KHDRBS2: variants seen among roughly 807,000 people sequenced by gnomAD.
The protein encoded by KHDRBS2 is KH RNA binding domain containing, signal transduction associated 2.
KHDRBS2 carries 26 observed loss-of-function variants against 44.3 expected under a neutral mutation model. That is an observed-to-expected ratio of 0.59 (90% confidence interval 0.43 to 0.81). The LOEUF (loss-of-function observed/expected upper bound fraction) is 0.81, where lower values mean the gene tolerates loss of function less well. Among genes scored for constraint, KHDRBS2 ranks in the 40% least tolerant of loss-of-function variants. The probability of loss-of-function intolerance (pLI) is 0.00; values close to 1 mark genes in which losing one functional copy is unlikely to be tolerated. For synonymous variants in KHDRBS2, 194 were observed against 151.1 expected (o/e 1.28, Z -2.08); for missense variants, 476 against 433.1 (o/e 1.10, Z -0.88).
chr6:61,717,334 A>G (rs1210023383), intron 7 of KHDRBS2, among the ~76,000 whole-genome samples: 3 of 152,034 alleles, frequency 2.0e-5, no homozygotes, highest in African/African-American at 7.2e-5. Flanking sequence ...AATACGTCAA[A>G]TAAGAACTAA....
chr6:61,850,926 G>A (rs1419064608), intron 6 of KHDRBS2, among the ~76,000 whole-genome samples: 1 of 152,102 alleles, frequency 6.6e-6, no homozygotes, highest in East Asian at 1.9e-4. Flanking sequence ...CTCCAGGCTT[G>A]TTCTAGTTGG....
chr6:61,691,436 T>C (rs1416113425), intron 8 of KHDRBS2, among the ~76,000 whole-genome samples: 4 of 152,072 alleles, frequency 2.6e-5, no homozygotes, highest in African/African-American at 9.6e-5. Flanking sequence ...TTTAGAAGCA[T>C]TATTTCACTA....
At chr6:61,666,355 T>C in the KHDRBS2 span, among the ~76,000 whole-genome samples, 1 of 151,482 alleles carries the variant, frequency 6.6e-6, no homozygotes, top group Non-Finnish European at 1.5e-5. Context: ...GCTGTGGACA[T>C]TGTAGACATA....
chr6:61,791,673 T>C (rs1489398078), intron 6 of KHDRBS2, among the ~76,000 whole-genome samples: 8 of 151,570 alleles, frequency 5.3e-5, no homozygotes, highest in Middle Eastern at 3.4e-3. Flanking sequence ...AGATCAAAAA[T>C]AAAAATGAAA....
intron 2 of KHDRBS2, among the ~76,000 whole-genome samples, chr6:62,093,081 T>C (rs1799778809): frequency 6.6e-6 from 1 of 152,020 alleles, no homozygotes; most frequent in African/African-American, 2.4e-5. Context: ...TATTCAACTA[T>C]AATCTTTTGG....
chr6:61,690,260 T>G (rs1767251103), intron 8 of KHDRBS2, among the ~76,000 whole-genome samples: 1 of 151,988 alleles, frequency 6.6e-6, no homozygotes, highest in South Asian at 2.1e-4. Context: ...TATTTTGTAT[T>G]CTGTACTTTG....
At chr6:62,168,052 C>G (rs1819073072) in intron 2 of KHDRBS2, among the ~76,000 whole-genome samples, 1 of 152,116 alleles carries the variant, frequency 6.6e-6, no homozygotes, top group African/African-American at 2.4e-5. Context: ...GCACAGAAGG[C>G]TGCCCCTTTT....
At chr6:61,928,962 G>T (rs534211650) in intron 4 of KHDRBS2, among the ~76,000 whole-genome samples, 1 of 152,124 alleles carries the variant, frequency 6.6e-6, no homozygotes, top group African/African-American at 2.4e-5. Context: ...CTTTGGTAGT[G>T]AAATTTGAAA....
rs191903771 is a variant in KHDRBS2, at chr6:61,723,098, G to T, written c.893+9584C>A. ...TATGGGAAAAACTGAGGCAACTAGG[G>T]TCTGAAGCAGACCCAAGCAAACCAC... On this transcript the variant is annotated intron_variant, in intron 7 of 8. Coordinates refer to ENST00000281156, the MANE Select transcript of KHDRBS2 (RefSeq NM_152688.4). Among the ~76,000 whole-genome samples the T allele has an allele frequency of 1.6e-3, 237 of 152,106 alleles. 1 individual carries two copies. Among genetic ancestry groups the T allele is most frequent in the African/African-American group, 5.3e-3 (221 of 41,480 alleles).
At chr6:61,670,998 G>T in the KHDRBS2 span, among the ~76,000 whole-genome samples, 2 of 151,452 alleles carry the variant, frequency 1.3e-5, no homozygotes, top group Non-Finnish European at 3.0e-5. Context: ...TCCCCATATG[G>T]TATTGCGAAA....
chr6:61,743,580 A>G (rs916601676), intron 6 of KHDRBS2, among the ~76,000 whole-genome samples: 1 of 152,002 alleles, frequency 6.6e-6, no homozygotes, highest in African/African-American at 2.4e-5. Context: ...GGGGTTAATA[A>G]TTTTGTATTA....
chr6:62,210,239 T>C (rs1161088364), intron 1 of KHDRBS2, among the ~76,000 whole-genome samples: 2 of 152,024 alleles, frequency 1.3e-5, no homozygotes, highest in African/African-American at 2.4e-5. Flanking sequence ...CTCTCAGATT[T>C]AGTTCTGATA....
chr6:61,702,971 A>G (rs1768935752), intron 7 of KHDRBS2, among the ~76,000 whole-genome samples: 1 of 151,852 alleles, frequency 6.6e-6, no homozygotes, highest in African/African-American at 2.4e-5. Context: ...GAAAAATTAT[A>G]CCTGCTATAA....
At chr6:61,662,918 A>C in the KHDRBS2 span, among the ~76,000 whole-genome samples, 1 of 152,014 alleles carries the variant, frequency 6.6e-6, no homozygotes, top group South Asian at 2.1e-4. Context: ...CCAAAGGATT[A>C]TAAATCATGC....
chr6:62,126,952 T>A (rs1346785769), intron 2 of KHDRBS2, among the ~76,000 whole-genome samples: 1 of 152,196 alleles, frequency 6.6e-6, no homozygotes, highest in Admixed American at 6.5e-5. Context: ...GTTATTTAGT[T>A]CTATCTTTTC....
At chr6:62,123,842 TG>T (rs1313363601) in intron 2 of KHDRBS2, among the ~76,000 whole-genome samples, 1 of 152,196 alleles carries the variant, frequency 6.6e-6, no homozygotes, top group Non-Finnish European at 1.5e-5. Flanking sequence ...CTCCTTTTGT[TG>T]TTATGTACTG....
chr6:61,741,728 T>C (rs906855164), intron 6 of KHDRBS2, among the ~76,000 whole-genome samples: 2 of 151,978 alleles, frequency 1.3e-5, no homozygotes, highest in African/African-American at 4.8e-5. Context: ...AACTGTGAAA[T>C]TGACATGTTT....
chr6:62,066,448 T>C (rs1793745758), intron 2 of KHDRBS2, among the ~76,000 whole-genome samples: 1 of 151,732 alleles, frequency 6.6e-6, no homozygotes, highest in Admixed American at 6.6e-5. Context: ...TTTTAGAATT[T>C]TGACTTTCTT....
chr6:61,651,979 T>G, the KHDRBS2 span, among the ~76,000 whole-genome samples: 3 of 152,190 alleles, frequency 2.0e-5, no homozygotes, highest in East Asian at 5.8e-4. Context: ...AGCAGAGATT[T>G]TCTTTACTTC....
Sources: gnomAD v4.1 joint callset for allele counts (sites outside exome capture counted in the v4.1 genomes callset) on GRCh38, gnomAD v4.1.1 for gene constraint, MANE v1.5 for transcripts, NCBI Gene and HGNC (gene_info 2026-07-23, HGNC 2026-07-21) for gene names.